Variants in UBE2E2 observed in about 807,000 individuals in gnomAD.
UBE2E2 encodes ubiquitin conjugating enzyme E2 E2.
UBE2E2 carries 6 observed loss-of-function variants against 24.7 expected under a neutral mutation model. The ratio of observed to expected loss-of-function variants is 0.24; its 90% CI spans 0.13 to 0.48. The LOEUF (loss-of-function observed/expected upper bound fraction) is 0.48. Among genes scored for constraint, UBE2E2 ranks in the 20% least tolerant of loss-of-function variants. UBE2E2 has a pLI of 0.99. For missense variants in UBE2E2, 169 were observed against 245.0 expected, an observed-to-expected ratio of 0.69 and a Z score of 2.07; for synonymous variants, 104 against 83.6, an observed-to-expected ratio of 1.24 and a Z score of -1.33.
chr3:23,307,399 C>G (rs974182000), intron 3 of UBE2E2, among the ~76,000 whole-genome samples: 13 of 152,122 alleles, frequency 8.5e-5, no homozygotes, highest in Non-Finnish European at 1.0e-4. Context: ...TATTTATATA[C>G]TGTCCAGCTT....
chr3:23,399,362 T>G (rs1200472397), intron 3 of UBE2E2, among the ~76,000 whole-genome samples: 1 of 152,102 alleles, frequency 6.6e-6, no homozygotes, highest in African/African-American at 2.4e-5. Context: ...ATCTGGTAAC[T>G]GAGATGGCTG....
intron 3 of UBE2E2, among the ~76,000 whole-genome samples, chr3:23,240,797 G>C (rs1016564400): frequency 1.3e-5 from 2 of 152,124 alleles, no homozygotes; most frequent in African/African-American, 4.8e-5. Flanking sequence ...TAATCCATTA[G>C]AGTGTATGCA....
chr3:23,278,856 A>G (rs567026382), intron 3 of UBE2E2, among the ~76,000 whole-genome samples: 1 of 152,306 alleles, frequency 6.6e-6, no homozygotes, highest in Admixed American at 6.5e-5. Context: ...AAACCTCGGC[A>G]GTAAAAAACC....
At chr3:23,514,000 C>T (rs1694670433) in intron 4 of UBE2E2, among the ~76,000 whole-genome samples, 1 of 152,220 alleles carries the variant, frequency 6.6e-6, no homozygotes, top group African/African-American at 2.4e-5. Context: ...CTGCTTAAAA[C>T]TCTTCAGTGG....
At chr3:23,401,593 C>T (rs992602816) in intron 3 of UBE2E2, among the ~76,000 whole-genome samples, 1 of 152,124 alleles carries the variant, frequency 6.6e-6, no homozygotes, top group African/African-American at 2.4e-5. Flanking sequence ...CTAACTTTCT[C>T]CTCCTGTCCC....
At chr3:23,463,112 T>G (rs1468246879) in intron 3 of UBE2E2, among the ~76,000 whole-genome samples, 2 of 152,150 alleles carry the variant, frequency 1.3e-5, no homozygotes, top group Admixed American at 6.5e-5. Context: ...ATTTACTGAA[T>G]GTTGCATTAA....
intron 5 of UBE2E2, among the ~76,000 whole-genome samples, chr3:23,568,684 CATATATACACACAT>C (rs1168385172): frequency 0.023 from 2,427 of 105,092 alleles, 29 homozygotes; most frequent in Non-Finnish European, 0.035. Context: ...TATATGTATA[CATATATACACACAT>C]ATATATATAC....
At chr3:23,214,602 CA>C (rs1559441691) in intron 2 of UBE2E2, among the ~76,000 whole-genome samples, 1 of 150,796 alleles carries the variant, frequency 6.6e-6, no homozygotes, top group Admixed American at 6.6e-5. Context: ...ACCTAAAGGG[CA>C]GTATAAATAT....
At chr3:23,351,111 C>T (rs1173145997) in intron 3 of UBE2E2, among the ~76,000 whole-genome samples, 1 of 152,092 alleles carries the variant, frequency 6.6e-6, no homozygotes, top group African/African-American at 2.4e-5. Flanking sequence ...AATTTTCAGC[C>T]CATAATTTCA....
At chr3:23,321,292 T>C (rs983908328) in intron 3 of UBE2E2, among the ~76,000 whole-genome samples, 7 of 152,182 alleles carry the variant, frequency 4.6e-5, no homozygotes, top group African/African-American at 9.7e-5. Flanking sequence ...ATTCAGTCCA[T>C]AAAGAGCTTG....
At chr3:23,422,974 T>C (rs537208938) in intron 3 of UBE2E2, among the ~76,000 whole-genome samples, 1 of 152,332 alleles carries the variant, frequency 6.6e-6, no homozygotes, top group East Asian at 1.9e-4. Flanking sequence ...CACCTTCCCA[T>C]ACTAGGAAAG....
chr3:23,485,546 C>T lies in UBE2E2; in HGVS notation c.228-14062C>T, dbSNP rs892044435. ...CTATTAAAACAAAAACAAAAACAAACAAAAAAAAAACCTCTCTTGTTTTTG... is the reference window on the plus strand; with the variant it reads ...CTATTAAAACAAAAACAAAAACAAATAAAAAAAAAACCTCTCTTGTTTTTG... On this transcript the variant is annotated intron_variant, in intron 3 of 5. Transcript: ENST00000396703. 5.4e-5 allele frequency among the ~76,000 whole-genome samples: 8 copies of T among 147,618 alleles called. No individual in the cohort carries two copies. The East Asian group carries it at 1.6e-3, about 29-fold the overall frequency.
At chr3:23,554,036 A>T (rs990691770) in intron 5 of UBE2E2, among the ~76,000 whole-genome samples, 7 of 149,370 alleles carry the variant, frequency 4.7e-5, no homozygotes, top group Admixed American at 2.0e-4. Flanking sequence ...ACATAAATTT[A>T]AAAAAAAAAT....
At chr3:23,577,893 C>A (rs1057344948) in intron 5 of UBE2E2, among the ~76,000 whole-genome samples, 10 of 151,986 alleles carry the variant, frequency 6.6e-5, no homozygotes, top group African/African-American at 2.4e-4. Context: ...TAAAAACTTG[C>A]CTGTGCCTAC....
intron 5 of UBE2E2, among the ~76,000 whole-genome samples, chr3:23,558,223 T>C (rs959889288): frequency 6.6e-6 from 1 of 152,198 alleles, no homozygotes; most frequent in Admixed American, 6.5e-5. Flanking sequence ...CTTAACATAA[T>C]TGATCTGCAT....
rs144742554 is a variant in UBE2E2, at chr3:23,463,319, A to G, written c.228-36289A>G. Among the ~76,000 whole-genome samples the G allele has an allele frequency of 6.5e-3, 983 of 152,254 alleles. 9 individuals are homozygous for G. Among genetic ancestry groups the G allele is most frequent in the Non-Finnish European group, 9.7e-3 (661 of 67,982 alleles). On this transcript the variant is annotated intron_variant, in intron 3 of 5. Transcript: ENST00000396703. ...GAATGTTTTTTATTTAAATCATATT[A>G]ATTTGCAAAATTCCAGGCAGCTTGG...
chr3:23,369,438 A>T (rs1326162616), intron 3 of UBE2E2, among the ~76,000 whole-genome samples: 1 of 152,168 alleles, frequency 6.6e-6, no homozygotes, highest in African/African-American at 2.4e-5. Flanking sequence ...ATTCTCTCCT[A>T]AGACAAATAA....
At chr3:23,389,201 A>G (rs974630173) in intron 3 of UBE2E2, among the ~76,000 whole-genome samples, 2 of 152,150 alleles carry the variant, frequency 1.3e-5, no homozygotes, top group African/African-American at 4.8e-5. Context: ...ATCACTTACT[A>G]GGGAGCAGAT....
chr3:23,235,684 A>G (rs766204224), intron 3 of UBE2E2, among the ~76,000 whole-genome samples: 1 of 152,102 alleles, frequency 6.6e-6, no homozygotes, highest in African/African-American at 2.4e-5. Flanking sequence ...AGGCAGGTGG[A>G]CAGGATTTGC....
Sources: gnomAD v4.1 joint callset for allele counts (sites outside exome capture counted in the v4.1 genomes callset) on GRCh38, gnomAD v4.1.1 for gene constraint, MANE v1.5 for transcripts, NCBI Gene and HGNC (gene_info 2026-07-23, HGNC 2026-07-21) for gene names.